The following MTMR8 variants were observed in gnomAD, a reference collection of about 807,000 sequenced individuals.
MTMR8 encodes the protein phosphatidylinositol-3,5-bisphosphate 3-phosphatase MTMR8.
In MTMR8, 65 loss-of-function variants were observed where a neutral mutation model predicts 39.3. The observed-to-expected ratio is 1.65, with a 90% CI of 1.35 to 2.03. MTMR8 has a LOEUF of 2.03. MTMR8 is among the 30% of genes most tolerant of loss of function. The pLI, the probability that MTMR8 is intolerant of heterozygous loss-of-function variation, is 0.00. For synonymous variants in MTMR8, 245 were observed against 185.2 expected (o/e 1.32, Z -2.62); for missense variants, 777 against 538.9 (o/e 1.44, Z -4.37).
At chrX:64,332,882 T>C (rs1922979594) in intron 10 of MTMR8, among the ~76,000 whole-genome samples, 1 of 111,583 alleles carries the variant, frequency 9.0e-6, no homozygotes, top group Admixed American at 9.6e-5. Context: ...CTGAACACCA[T>C]ATATTATATT....
At chrX:64,281,941 A>G (rs781751593) in intron 12 of MTMR8, among the ~76,000 whole-genome samples, 1 of 109,353 alleles carries the variant, frequency 9.1e-6, no homozygotes, top group South Asian at 3.8e-4. Context: ...AAAAAAAAAG[A>G]TATTTATGCG....
chrX:64,307,089 G>C (rs979471329), intron 12 of MTMR8, among the ~76,000 whole-genome samples: 2 of 112,193 alleles, frequency 1.8e-5, no homozygotes, highest in African/African-American at 6.5e-5. Flanking sequence ...AAATGTTTAT[G>C]TCTTTTGCCT....
intron 1 of MTMR8, among the ~76,000 whole-genome samples, chrX:64,390,767 C>A (rs968507109): frequency 3.6e-5 from 4 of 110,485 alleles, no homozygotes; most frequent in Non-Finnish European, 5.7e-5. Context: ...TCCCCACCGC[C>A]CCCCCAGCCT....
intron 1 of MTMR8, among the ~76,000 whole-genome samples, chrX:64,362,886 A>G (rs749393306): frequency 1.8e-5 from 2 of 111,322 alleles, no homozygotes; most frequent in East Asian, 5.6e-4. Context: ...TTGCAACTCA[A>G]TAAGAAAAAG....
chrX:64,302,555 C>T (rs754684850), intron 12 of MTMR8, among the ~76,000 whole-genome samples: 15 of 112,222 alleles, frequency 1.3e-4, no homozygotes, highest in East Asian at 8.5e-4. Flanking sequence ...AGCTGTAGAC[C>T]GGAGCTGTTC....
chrX:64,350,054 G>A lies in MTMR8; in HGVS notation c.485C>T (p.Pro162Leu), dbSNP rs1269696873. 8.6e-7 allele frequency: 1 copy of A among 1,162,314 alleles called. No homozygotes were observed. The highest frequency in any genetic ancestry group is 2.1e-5 in the South Asian group (1 of 48,185). ...NRNYEICSTY[P>L]PEIVVPKSVT... is the part of the protein sequence containing the mutation. ...AGATTTAGGAACCACTATTTCAGGAGGGTAGGTGCTGCATATCTAAAAGAA... is the reference window on the plus strand; with the variant it reads ...AGATTTAGGAACCACTATTTCAGGAAGGTAGGTGCTGCATATCTAAAAGAA... Residue 162 changes from proline to leucine, a missense_variant, in exon 5 of 14, where the codon CCT becomes CTT. Physicochemically the swap from Pro to Leu is moderately conservative, Grantham distance 98 (BLOSUM62 -3). Transcript: ENST00000374852.
chrX:64,362,169 A>G (rs1923797874), intron 1 of MTMR8, among the ~76,000 whole-genome samples: 1 of 110,004 alleles, frequency 9.1e-6, no homozygotes, highest in South Asian at 3.8e-4. Context: ...CTAATGAAGG[A>G]TATAGAATAT....
At position 64,331,747 on chromosome X, in the gene MTMR8, G is replaced by C. The variant is rs368040478; in HGVS notation, c.1162C>G (p.Leu388Val). 8 of 1,203,953 alleles carry C rather than the reference G, an allele frequency of 6.6e-6. No homozygotes were observed. The highest frequency in any genetic ancestry group is 9.0e-6 in the Non-Finnish European group (8 of 890,599). Residue 388 changes from leucine to valine, a missense_variant, in exon 11 of 14, where the codon CTC becomes GTC. Transcript: ENST00000374852. ...GHKFSQRCGH[L>V]DGDSKEVSPI... is the part of the protein sequence containing the mutation. ...GACACTTCTTTAGAGTCCCCATCGA[G>C]GTGGCCACACCTGAGAGATGAAAAT...
At chrX:64,297,957 C>A (rs1422040329) in intron 12 of MTMR8, among the ~76,000 whole-genome samples, 104 of 92,331 alleles carry the variant, frequency 1.1e-3, no homozygotes, top group African/African-American at 3.9e-3. Context: ...GTTTTGGTAC[C>A]AGTACCATGC....
chrX:64,341,007 T>C (rs1361749121), intron 8 of MTMR8, among the ~76,000 whole-genome samples: 1 of 112,193 alleles, frequency 8.9e-6, no homozygotes, highest in Non-Finnish European at 1.9e-5. Flanking sequence ...AAAATCCACT[T>C]CTATAAAGAT....
intron 12 of MTMR8, among the ~76,000 whole-genome samples, chrX:64,297,098 T>C (rs1478435634): frequency 1.1e-5 from 1 of 87,244 alleles, no homozygotes; most frequent in Non-Finnish European, 2.2e-5. Flanking sequence ...ATATACCCAG[T>C]AATGGGATGG....
chrX:64,306,372 C>A, intron 12 of MTMR8: 1 of 222,296 alleles, frequency 4.5e-6, no homozygotes, highest in Admixed American at 4.7e-5. Context: ...ATTGTCATCT[C>A]TTTCAAGACA....
At chrX:64,327,543 A>T (rs1169820240) in intron 12 of MTMR8, among the ~76,000 whole-genome samples, 1 of 112,366 alleles carries the variant, frequency 8.9e-6, no homozygotes, top group Non-Finnish European at 1.9e-5. Flanking sequence ...GCTGACAAGG[A>T]TGTGGAAAAA....
At chrX:64,286,852 T>C (rs1435952979) in intron 12 of MTMR8, among the ~76,000 whole-genome samples, 1 of 111,372 alleles carries the variant, frequency 9.0e-6, no homozygotes, top group Non-Finnish European at 1.9e-5. Flanking sequence ...CCACAGCCAA[T>C]ATCATACTGA....
chrX:64,298,501 A>G (rs1921713041), intron 12 of MTMR8, among the ~76,000 whole-genome samples: 1 of 82,362 alleles, frequency 1.2e-5, no homozygotes, highest in African/African-American at 8.4e-5. Context: ...GGTTTTCTAG[A>G]TATACAATCA....
At chrX:64,332,335 A>G (rs1320362813) in intron 10 of MTMR8, among the ~76,000 whole-genome samples, 1 of 111,515 alleles carries the variant, frequency 9.0e-6, no homozygotes, top group Non-Finnish European at 1.9e-5. Flanking sequence ...CGACTGAAAC[A>G]CTATTCCACT....
intron 12 of MTMR8, among the ~76,000 whole-genome samples, chrX:64,284,344 C>A (rs914963492): frequency 8.9e-5 from 10 of 112,163 alleles, no homozygotes; most frequent in Non-Finnish European, 1.9e-4. Context: ...AAATCTATGT[C>A]TGATTGGTGT....
intron 12 of MTMR8, among the ~76,000 whole-genome samples, chrX:64,280,821 C>A (rs1349007743): frequency 1.8e-5 from 2 of 111,476 alleles, no homozygotes; most frequent in African/African-American, 6.5e-5. Context: ...TTCAAAAGCT[C>A]CTTAAGCTGA....
At chrX:64,343,494 C>A in intron 8 of MTMR8, 117 bp downstream of exon 8, 1 of 455,833 alleles carries the variant, frequency 2.2e-6, no homozygotes, top group Non-Finnish European at 3.7e-6. Flanking sequence ...GAATTAGTGG[C>A]AGAGCTGAAT....
Sources: gnomAD v4.1 joint callset for allele counts (sites outside exome capture counted in the v4.1 genomes callset) on GRCh38, gnomAD v4.1.1 for gene constraint, MANE v1.5 for transcripts, NCBI Gene and HGNC (gene_info 2026-07-23, HGNC 2026-07-21) for gene names.